FAM186A: variants seen among roughly 807,000 people sequenced by gnomAD.
FAM186A encodes the protein protein FAM186A.
A neutral mutation model predicts 216.8 loss-of-function variants in FAM186A; 163 were observed. The ratio of observed to expected loss-of-function variants is 0.75; its 90% CI spans 0.66 to 0.86. The LOEUF is 0.86. FAM186A is among the 40% of genes least tolerant of loss of function. The pLI is 0.00. For missense variants in FAM186A, 2,184 were observed against 2,746.2 expected (o/e 0.80, Z 4.58); for synonymous variants, 805 against 1,025.3 (o/e 0.79, Z 4.10).
intron 3 of FAM186A, among the ~76,000 whole-genome samples, chr12:50,359,796 T>A (rs1446233706): frequency 6.6e-6 from 1 of 152,186 alleles, no homozygotes; most frequent in Non-Finnish European, 1.5e-5. Flanking sequence ...AATACCACAA[T>A]ACAATATGAT....
Position 50,351,307 on chromosome 12 carries a change from A to G in FAM186A, c.5525T>C (p.Val1842Ala), listed in dbSNP as rs1174259394. ...TGGAATCTGTCCAGAAGTGGGTGGA[A>G]CTCCAGCTATAAAGGGCTGCCCTGG... is the stretch of plus-strand genomic sequence containing the variant. Reference protein sequence around the residue: ...PTPGQPFIAGVPPTSGQIPSL... With the variant: ...PTPGQPFIAGAPPTSGQIPSL... Residue 1842 changes from valine (V) to alanine (A), a missense_variant, in exon 4 of 8, where the codon GTT (valine) becomes GCT (alanine). Val to Ala is a moderately conservative substitution (Grantham distance 64). This residue lies in a region of FAM186A where 721 missense variants were observed against 816.4 expected (regional missense o/e 0.88). Transcript: ENST00000327337. 1.3e-6 allele frequency: 2 copies of G among 1,529,688 alleles called. No individual in the cohort carries two copies. Among genetic ancestry groups the G allele is most frequent in the Non-Finnish European group, 1.8e-6 (2 of 1,138,150 alleles). 94.8% of individuals were successfully genotyped at this position (1,529,688 alleles called of 1,614,324 possible).
intron 1 of FAM186A, among the ~76,000 whole-genome samples, chr12:50,392,138 G>A (rs542982874): frequency 4.7e-4 from 70 of 148,416 alleles, no homozygotes; most frequent in African/African-American, 1.7e-3. Context: ...GGTTAGCTGG[G>A]GATTGGGGGT....
At chr12:50,347,458 C>T (rs1308613739) in intron 4 of FAM186A, among the ~76,000 whole-genome samples, 3 of 151,872 alleles carry the variant, frequency 2.0e-5, no homozygotes, top group Admixed American at 1.3e-4. Flanking sequence ...TAGCTGGGCG[C>T]GGTGGCTCAC....
chr12:50,378,784 G>A (rs10431531), intron 1 of FAM186A, among the ~76,000 whole-genome samples: 145,995 of 152,016 alleles, frequency 0.96, 70,371 homozygotes, highest in East Asian at 1. Context: ...GGAAGAAAAT[G>A]TGTCAGTGCT....
chr12:50,365,612 C>T (rs1943079745), intron 1 of FAM186A: 1 of 591,028 alleles, frequency 1.7e-6, no homozygotes, highest in South Asian at 2.0e-5. Context: ...GTGTAGTTCT[C>T]TTCCCTTTTG....
chr12:50,370,283 G>A (rs146726530), intron 1 of FAM186A, among the ~76,000 whole-genome samples: 1 of 151,662 alleles, frequency 6.6e-6, no homozygotes, highest in East Asian at 1.9e-4. Flanking sequence ...CATCCTAGGC[G>A]ACAGAGTGAC....
intron 4 of FAM186A, among the ~76,000 whole-genome samples, chr12:50,346,997 CAAAAAAAA>C (rs58421325): frequency 5.3e-5 from 7 of 131,768 alleles, no homozygotes; most frequent in Admixed American, 3.7e-4. Context: ...GACTCTGTCT[CAAAAAAAA>C]AAAAAAAAAA....
Position 50,351,354 on chromosome 12 carries a change from T to C in FAM186A, c.5478A>G (p.Pro1826=). The C allele has an allele frequency of 6.7e-7, 1 of 1,483,566 alleles. No homozygotes were observed. Among genetic ancestry groups the C allele is most frequent in the Non-Finnish European group, 8.9e-7 (1 of 1,119,176 alleles). The allele number at this position is 1,483,566 out of a possible 1,614,324, so 91.9% of individuals were successfully genotyped here. A position where few individuals can be genotyped will look rare whatever the true frequency, so the allele number is the denominator to read the frequency against. ...PQAPPSPGQL[P]ISRAPPTPGQ... ...CTGGAGTGGGAGGGGCCCGAGATAT[T>C]GGGAGCTGCCCAGGGGAGGGAGGGG... is the stretch of plus-strand genomic sequence containing the variant. Residue 1826 remains proline (P), a synonymous_variant, in exon 4 of 8, where the codon CCA becomes CCG. Transcript: ENST00000327337.
chr12:50,330,604 A>G lies in FAM186A; in HGVS notation c.7003T>C (p.Phe2335Leu). 2 of 1,550,808 alleles carry G rather than the reference A, an allele frequency of 1.3e-6. No homozygotes were observed. Among genetic ancestry groups the G allele is most frequent in the Non-Finnish European group, 1.7e-6 (2 of 1,146,624 alleles). ...RLLQLEVQSTFRKSLASLQSR... is the reference protein window; with the variant it reads ...RLLQLEVQSTLRKSLASLQSR... Reference sequence around the variant, plus strand: ...TGGAGGGATGCAAGAGATTTTCGGAAGGTAGACTGCACTTCTAACTGAAGC... The same window carrying G: ...TGGAGGGATGCAAGAGATTTTCGGAGGGTAGACTGCACTTCTAACTGAAGC... Residue 2335 changes from phenylalanine (F) to leucine (L), a missense_variant, in exon 7 of 8, where the codon TTC becomes CTC. Around this residue, in one of 7 missense-constraint regions of FAM186A, gnomAD observed 721 missense variants for 816.4 expected, o/e 0.88. Coordinates refer to ENST00000327337, the MANE Select transcript of FAM186A (RefSeq NM_001145475.3).
rs71083561 is a variant in FAM186A, at chr12:50,394,732, C to CTTTTTTTTTTTTTTTTTTTTT, written c.192+1540_192+1560dup. Among the ~76,000 whole-genome samples the CTTTTTTTTTTTTTTTTTTTTT allele has an allele frequency of 2.1e-3, 61 of 29,408 alleles. 7 individuals carry two copies. Among genetic ancestry groups the CTTTTTTTTTTTTTTTTTTTTT allele is most frequent in the Non-Finnish European group, 3.0e-3 (53 of 17,736 alleles). 19.3% of individuals were successfully genotyped at this position (29,408 alleles called of 152,430 possible). On this transcript the variant is annotated intron_variant, in intron 1 of 7. Transcript: ENST00000327337. ...TGAGCCACTGTGCCTGGCTAACACTCTTTTTTTTTTTTTTTTTTTTTTTTT... is the reference window on the plus strand; with the variant it reads ...TGAGCCACTGTGCCTGGCTAACACTCTTTTTTTTTTTTTTTTTTTTTTTTTTTTTTTTTTTTTTTTTTTTTT...
chr12:50,334,858 C>A (rs1158355218), intron 4 of FAM186A, among the ~76,000 whole-genome samples: 1 of 152,152 alleles, frequency 6.6e-6, no homozygotes, highest in East Asian at 1.9e-4. Context: ...GACTTTAATC[C>A]AGTTCCTATG....
chr12:50,353,744 G>A lies in FAM186A; in HGVS notation c.3088C>T (p.Gln1030Ter). The change falls in exon 4 of 8, where the codon CAG (glutamine) becomes TAG (stop). Residue 1030 changes from glutamine to a stop codon, truncating the protein, a stop_gained. Coordinates refer to ENST00000327337, the MANE Select transcript of FAM186A (RefSeq NM_001145475.3). LOFTEE classifies it high-confidence loss of function. ...TTCTCTAATGTCTTCAGATTCCTCT[G>A]AAACTCTTTTCCTTCATATGACCGC... ...VQRSYEGKEF[Q>*]RNLKTLENLP... is the part of the protein sequence containing the mutation. The A allele has an allele frequency of 6.5e-7, 1 of 1,550,298 alleles. No homozygotes were observed. The highest frequency in any genetic ancestry group is 8.7e-7 in the Non-Finnish European group (1 of 1,146,612).
intron 1 of FAM186A, among the ~76,000 whole-genome samples, chr12:50,378,609 A>T (rs1943223849): frequency 1.3e-4 from 1 of 7,544 alleles, no homozygotes; most frequent in Non-Finnish European, 2.3e-3. Flanking sequence ...ATATACACAT[A>T]TGTAAATTGT....
At position 50,356,107 on chromosome 12, in the gene FAM186A, T is replaced by C; in HGVS notation, c.725A>G (p.Gln242Arg). Residue 242 changes from glutamine to arginine, a missense_variant, in exon 4 of 8, where the codon CAG becomes CGG. By Grantham distance (43) the Gln-to-Arg change is conservative (BLOSUM62 1). Transcript: ENST00000327337. ...GAACATTGTGGTGCCTATGAGTTCC[T>C]GTAGCATACCTTGGATTTCTGAAAC... ...TKVSEIQGML[Q>R]ELIGTTMFST... 1 of 1,551,708 alleles carries C rather than the reference T, an allele frequency of 6.4e-7. No homozygotes were observed. Among genetic ancestry groups the C allele is most frequent in the Non-Finnish European group, 8.7e-7 (1 of 1,146,976 alleles).
chr12:50,365,787 T>C (rs1304138226), intron 1 of FAM186A: 7 of 756,206 alleles, frequency 9.3e-6, no homozygotes, highest in Non-Finnish European at 1.5e-5. Flanking sequence ...CAACATGTGA[T>C]CCGTGCCCAT....
chr12:50,357,733 C>T (rs1009711792), intron 3 of FAM186A, among the ~76,000 whole-genome samples: 4 of 152,090 alleles, frequency 2.6e-5, no homozygotes, highest in Non-Finnish European at 5.9e-5. Context: ...AACTTGGAGT[C>T]GCGTCCATCC....
At chr12:50,394,760 T>TTG (rs1555220023) in intron 1 of FAM186A, among the ~76,000 whole-genome samples, 1 of 112,740 alleles carries the variant, frequency 8.9e-6, no homozygotes, top group East Asian at 2.1e-4. Context: ...TTTTTTTTTT[T>TTG]AGAGATAGAG....
intron 3 of FAM186A, among the ~76,000 whole-genome samples, chr12:50,358,596 CA>C (rs1333943435): frequency 6.7e-6 from 1 of 148,856 alleles, no homozygotes; most frequent in Non-Finnish European, 1.5e-5. Context: ...CAAAACAAAA[CA>C]AAACAAAAAC....
chr12:50,365,994 C>G (rs1046002246), intron 1 of FAM186A: 8 of 766,026 alleles, frequency 1.0e-5, no homozygotes, highest in African/African-American at 1.7e-5. Context: ...GGACAAAGAC[C>G]GCAAAAAGAT....
Sources: allele counts gnomAD v4.1 joint callset (sites outside exome capture counted in the v4.1 genomes callset), GRCh38; gene constraint gnomAD v4.1.1; regional missense constraint gnomAD v4.1.1; transcripts MANE v1.5; gene names NCBI Gene and HGNC (gene_info 2026-07-23, HGNC 2026-07-21).